HPSE: variants seen among roughly 807,000 people sequenced by gnomAD.
The protein encoded by HPSE is endo-glucoronidase.
HPSE carries 48 observed loss-of-function variants against 65.1 expected under a neutral mutation model. The observed-to-expected ratio is 0.74, with a 90% confidence interval of 0.58 to 0.94. The LOEUF (loss-of-function observed/expected upper bound fraction) is 0.94. Among genes scored for constraint, HPSE ranks in the 40% least tolerant of loss-of-function variants. The probability of loss-of-function intolerance (pLI) is 0.00; values close to 1 mark genes in which losing one functional copy is unlikely to be tolerated. For synonymous variants in HPSE, 243 were observed against 260.0 expected, an observed-to-expected ratio of 0.93 and a Z score of 0.63; for missense variants, 644 against 637.5, an observed-to-expected ratio of 1.01 and a Z score of -0.11.
chr4:83,298,885 G>A (rs1735827931), intron 11 of HPSE, among the ~76,000 whole-genome samples: 1 of 152,062 alleles, frequency 6.6e-6, no homozygotes, highest in Admixed American at 6.6e-5. Flanking sequence ...TTAACTCTCC[G>A]AGGTCATTAA....
Position 83,322,301 on chromosome 4 carries a change from G to C in HPSE, c.291C>G (p.Thr97=). Residue 97 remains threonine (T), a synonymous_variant, in exon 2 of 12, where the codon ACC becomes ACG. Coordinates refer to ENST00000311412, the MANE Select transcript of HPSE (RefSeq NM_001098540.3). ...GATCGAAAATTAGGAAGTCTGTCTT[G>C]GTGCCACCAAACCTCAGGTACGCAG... ...LSPAYLRFGG[T]KTDFLIFDPK... 1 of 1,613,728 alleles carries C rather than the reference G, an allele frequency of 6.2e-7. No individual in the cohort carries two copies. Among genetic ancestry groups the C allele is most frequent in the East Asian group, 2.2e-5 (1 of 44,878 alleles).
intron 10 of HPSE, 66 bp downstream of exon 10, chr4:83,302,084 T>C (rs1294096866): frequency 2.0e-6 from 2 of 1,003,812 alleles, no homozygotes; most frequent in African/African-American, 3.2e-5. Flanking sequence ...AACAGGGTGT[T>C]TGAGTAAAGT....
chr4:83,319,281 G>A lies in HPSE; in HGVS notation c.499+63C>T, dbSNP rs192748950. 9.0e-5 allele frequency: 139 copies of A among 1,541,050 alleles called. No homozygotes were observed. The African/African-American group carries it at 1.7e-3, about 19-fold the overall frequency. ...CGTAGGACTTGCTAGATTGGTGCCCGAGTCCAACCTATTCAAATATCTTTG... is the reference window on the plus strand; with the variant it reads ...CGTAGGACTTGCTAGATTGGTGCCCAAGTCCAACCTATTCAAATATCTTTG... On this transcript the variant is annotated intron_variant, in intron 3 of 11. Coordinates refer to ENST00000311412, the MANE Select transcript of HPSE (RefSeq NM_001098540.3).
chr4:83,317,145 C>G (rs187566855), intron 3 of HPSE, among the ~76,000 whole-genome samples: 1 of 152,148 alleles, frequency 6.6e-6, no homozygotes, highest in African/African-American at 2.4e-5. Context: ...GTAATCCACC[C>G]GCCTCAGCCT....
intron 11 of HPSE, 52 bp from the exon 12 acceptor site, chr4:83,295,555 A>G: frequency 1.4e-5 from 19 of 1,374,174 alleles, no homozygotes; most frequent in Non-Finnish European, 1.8e-5. Flanking sequence ...TGCCCCACCC[A>G]TGCTGCTACA....
chr4:83,320,523 G>A (rs752431421), intron 2 of HPSE, among the ~76,000 whole-genome samples: 110 of 150,874 alleles, frequency 7.3e-4, no homozygotes, highest in Admixed American at 1.7e-3. Flanking sequence ...CCAAGATCCC[G>A]CCATTGCACT....
rs267600276 is a variant in HPSE, at chr4:83,319,387, G to A, written c.456C>T (p.Leu152=). Reference sequence around the variant, plus strand: ...TGAACTTTTTCTGGTAGTGTTCTCGGAGTAGCAATTGCTCCTGGTAGGGCC... The same window carrying A: ...TGAACTTTTTCTGGTAGTGTTCTCGAAGTAGCAATTGCTCCTGGTAGGGCC... ...LEWPYQEQLL[L]REHYQKKFKN... is the part of the protein sequence containing the mutation. The change falls in exon 3 of 12, where the codon CTC becomes CTT. Residue 152 remains leucine (L), a synonymous_variant. Coordinates refer to ENST00000311412, the MANE Select transcript of HPSE (RefSeq NM_001098540.3). 1.2e-6 allele frequency: 2 copies of A among 1,613,900 alleles called. No homozygotes were observed. Among genetic ancestry groups the A allele is most frequent in the South Asian group, 2.2e-5 (2 of 91,062 alleles).
chr4:83,321,860 T>C (rs76385537), intron 2 of HPSE, among the ~76,000 whole-genome samples: 1,704 of 152,264 alleles, frequency 0.011, 15 homozygotes, highest in South Asian at 0.035. Flanking sequence ...TGTCTTTGGC[T>C]AGAAATGCTC....
In HPSE at chr4:83,295,269, C is replaced by T. The variant is rs1735678862; in HGVS notation, c.*75G>A. 7.6e-7 allele frequency: 1 copy of T among 1,319,078 alleles called. No individual in the cohort carries two copies. The highest frequency in any genetic ancestry group is 1.4e-5 in the South Asian group (1 of 69,220). 81.7% of individuals were successfully genotyped at this position (1,319,078 alleles called of 1,614,324 possible). ...TAGTTGCTTTGCAAGGTATCTGCTT[C>T]CTTTCCTATAACTTGAGTTGCTTTA... On this transcript the variant is annotated 3_prime_UTR_variant, in exon 12 of 12. Transcript: ENST00000311412.
intron 2 of HPSE, 73 bp downstream of exon 2, chr4:83,322,144 AAC>A (rs1474207588): frequency 9.6e-6 from 12 of 1,254,772 alleles, no homozygotes; most frequent in Non-Finnish European, 1.4e-5. Context: ...TGTGAGAAAT[AAC>A]AGTTTTCTCA....
intron 6 of HPSE, among the ~76,000 whole-genome samples, chr4:83,309,709 A>G (rs1378430499): frequency 6.6e-6 from 1 of 152,170 alleles, no homozygotes; most frequent in Non-Finnish European, 1.5e-5. Context: ...CTGTCTTGAA[A>G]AAACACAGTG....
chr4:83,308,758 C>CT, intron 8 of HPSE, 87 bp downstream of exon 8: 1 of 1,034,384 alleles, frequency 9.7e-7, no homozygotes, highest in South Asian at 1.4e-5. Context: ...CTTTGATCTG[C>CT]TTTTTGGCTG....
intron 3 of HPSE, among the ~76,000 whole-genome samples, chr4:83,315,652 G>C (rs1001108036): frequency 1.3e-5 from 2 of 152,170 alleles, no homozygotes; most frequent in Non-Finnish European, 2.9e-5. Flanking sequence ...ACTATAATAT[G>C]AACAGGGGTA....
chr4:83,319,558 A>G, intron 2 of HPSE, 89 bp from the exon 3 acceptor site: 3 of 1,327,730 alleles, frequency 2.3e-6, no homozygotes, highest in Non-Finnish European at 3.2e-6. Flanking sequence ...TATTTATGTG[A>G]CTAAAGCAGG....
At chr4:83,307,981 C>A (rs1736207513) in intron 8 of HPSE, among the ~76,000 whole-genome samples, 1 of 152,126 alleles carries the variant, frequency 6.6e-6, no homozygotes, top group Non-Finnish European at 1.5e-5. Flanking sequence ...TTAATGATAG[C>A]CCCTCTGGTG....
rs563957971 is a variant in HPSE, at chr4:83,321,867, G to T, written c.373+352C>A. On this transcript the variant is annotated intron_variant, in intron 2 of 11. Coordinates refer to ENST00000311412, the MANE Select transcript of HPSE (RefSeq NM_001098540.3). Reference sequence around the variant, plus strand: ...TATCATTGTGTCTTTGGCTAGAAATGCTCTTTAGTTTGACGCGATTCTACC... The same window carrying T: ...TATCATTGTGTCTTTGGCTAGAAATTCTCTTTAGTTTGACGCGATTCTACC... Among the ~76,000 whole-genome samples the T allele has an allele frequency of 7.2e-5, 11 of 151,984 alleles. No individual in the cohort carries two copies. In the East Asian group the frequency reaches 2.1e-3, roughly 29 times the overall value.
intron 11 of HPSE, among the ~76,000 whole-genome samples, chr4:83,296,803 T>C (rs183934567): frequency 2.0e-5 from 3 of 152,160 alleles, no homozygotes; most frequent in Non-Finnish European, 4.4e-5. Context: ...TAGTAAACAC[T>C]ATAAAAGTAT....
intron 6 of HPSE, 95 bp from the exon 7 acceptor site, chr4:83,309,590 C>T (rs1234336945): frequency 4.2e-6 from 3 of 716,342 alleles, no homozygotes; most frequent in African/African-American, 3.7e-5. Context: ...TTACCTCTCC[C>T]ACTCACCTGT....
chr4:83,321,719 C>T (rs1736900284), intron 2 of HPSE, among the ~76,000 whole-genome samples: 1 of 152,166 alleles, frequency 6.6e-6, no homozygotes, highest in Non-Finnish European at 1.5e-5. Flanking sequence ...AGGTGAAGGC[C>T]ACAGCCTTTC....
Sources: gnomAD v4.1 joint callset for allele counts (sites outside exome capture counted in the v4.1 genomes callset) on GRCh38, gnomAD v4.1.1 for gene constraint, MANE v1.5 for transcripts, NCBI Gene and HGNC (gene_info 2026-07-23, HGNC 2026-07-21) for gene names.